The following CCDC141 variants were observed in gnomAD, a reference collection of about 807,000 sequenced individuals.
CCDC141 encodes coiled-coil domain-containing protein 141.
CCDC141 carries 168 observed loss-of-function variants against 181.0 expected under a neutral mutation model. That is an observed-to-expected ratio of 0.93 (90% CI 0.82 to 1.05). CCDC141 has a LOEUF of 1.05. Among genes scored for constraint, CCDC141 ranks in the 50% least tolerant of loss-of-function variants. The probability of loss-of-function intolerance (pLI) is 0.00; values close to 1 mark genes in which losing one functional copy is unlikely to be tolerated. For synonymous variants in CCDC141, 666 were observed against 642.3 expected, an observed-to-expected ratio of 1.04 and a Z score of -0.56; for missense variants, 1,902 against 1,788.5, an observed-to-expected ratio of 1.06 and a Z score of -1.14.
chr2:178,986,334 T>A (rs199526378), intron 2 of CCDC141, among the ~76,000 whole-genome samples: 47,001 of 151,858 alleles, frequency 0.31, 8,350 homozygotes, highest in East Asian at 0.66. Context: ...ATAAGAGCTA[T>A]CTATGACAAA....
At chr2:178,906,992 C>T (rs763913508) in intron 7 of CCDC141, among the ~76,000 whole-genome samples, 20 of 152,100 alleles carry the variant, frequency 1.3e-4, no homozygotes, top group Non-Finnish European at 2.5e-4. Context: ...ACTTATACAC[C>T]GATATTCTAT....
downstream of CCDC141, among the ~76,000 whole-genome samples, chr2:178,827,698 G>A (rs541448414): frequency 1.3e-5 from 2 of 152,200 alleles, no homozygotes; most frequent in African/African-American, 4.8e-5. Flanking sequence ...TGAAAGGCTG[G>A]CTGGTGTCTA....
At position 178,850,176 on chromosome 2, in the gene CCDC141, G is replaced by C. The variant is rs749905008; in HGVS notation, c.3245-15C>G. 1 of 1,405,716 alleles carries C rather than the reference G, an allele frequency of 7.1e-7. No homozygotes were observed. The highest frequency in any genetic ancestry group is 1.2e-5 in the South Asian group (1 of 84,518). 87.1% of individuals were successfully genotyped at this position (1,405,716 alleles called of 1,614,324 possible). A position where few individuals can be genotyped will look rare whatever the true frequency, so the allele number is the denominator to read the frequency against. ...TTCTTCCAAACCTGGGGAGGAGAAG[G>C]ATGAAACTAGTTTTAAAGGTCAAAT... On this transcript the variant is annotated splice_polypyrimidine_tract_variant and intron_variant, in intron 20 of 23. Coordinates refer to ENST00000443758, the MANE Select transcript of CCDC141 (RefSeq NM_173648.4).
At chr2:179,000,055 TACACACACACAC>T (rs67309651) in intron 2 of CCDC141, among the ~76,000 whole-genome samples, 132 of 144,318 alleles carry the variant, frequency 9.1e-4, no homozygotes, top group Admixed American at 2.8e-3. Context: ...TTCATCACCA[TACACACACACAC>T]ACACACACAC....
At chr2:179,041,059 TTTTGTTTGTTTG>T (rs140907026) in intron 2 of CCDC141, among the ~76,000 whole-genome samples, 3 of 151,500 alleles carry the variant, frequency 2.0e-5, no homozygotes, top group African/African-American at 4.9e-5. Context: ...TCTGCTGTTG[TTTTGTTTGTTTG>T]TTTGTTTGTT....
chr2:179,023,307 G>A (rs2042739477), intron 2 of CCDC141, among the ~76,000 whole-genome samples: 1 of 152,102 alleles, frequency 6.6e-6, no homozygotes, highest in South Asian at 2.1e-4. Context: ...CCATTTCACA[G>A]ATGAGGAAAC....
chr2:178,907,666 C>A (rs72959397), intron 7 of CCDC141, among the ~76,000 whole-genome samples: 11,530 of 152,148 alleles, frequency 0.076, 484 homozygotes, highest in Non-Finnish European at 0.093. Context: ...CTGCAGTTGG[C>A]AATGGAGCCA....
At chr2:178,906,555 T>C (rs893627378) in intron 7 of CCDC141, among the ~76,000 whole-genome samples, 2 of 152,192 alleles carry the variant, frequency 1.3e-5, no homozygotes, top group African/African-American at 4.8e-5. Flanking sequence ...TATGGAATGT[T>C]CCATACCAAT....
intron 5 of CCDC141, among the ~76,000 whole-genome samples, chr2:178,950,541 A>C (rs1397066351): frequency 2.0e-5 from 3 of 152,174 alleles, no homozygotes; most frequent in Non-Finnish European, 4.4e-5. Context: ...AGCAGGAAAA[A>C]ACAATTACTG....
intron 23 of CCDC141, among the ~76,000 whole-genome samples, chr2:178,835,493 T>A (rs1490836543): frequency 6.6e-6 from 1 of 152,258 alleles, no homozygotes; most frequent in Non-Finnish European, 1.5e-5. Flanking sequence ...TCAGGGGTGA[T>A]GACAAATGTG....
chr2:178,839,070 T>G (rs558734299), intron 22 of CCDC141, among the ~76,000 whole-genome samples: 14 of 152,314 alleles, frequency 9.2e-5, no homozygotes, highest in African/African-American at 3.4e-4. Context: ...CTTTGAGTTT[T>G]TCATTTTAGC....
chr2:178,838,919 G>A (rs776048159), intron 22 of CCDC141, among the ~76,000 whole-genome samples: 6 of 152,162 alleles, frequency 3.9e-5, no homozygotes, highest in Admixed American at 6.5e-5. Flanking sequence ...GCTGAAAAGC[G>A]ATCTTATCTA....
chr2:178,905,588 G>A, intron 7 of CCDC141, 87 bp from the exon 8 acceptor site: 4 of 1,182,988 alleles, frequency 3.4e-6, no homozygotes, highest in Non-Finnish European at 4.6e-6. Flanking sequence ...AATTAAATCA[G>A]GCCAAACAAT....
chr2:178,822,206 A>G, the CCDC141 span, among the ~76,000 whole-genome samples: 1 of 151,126 alleles, frequency 6.6e-6, no homozygotes, highest in Non-Finnish European at 1.5e-5. Context: ...GAATTGAACA[A>G]TGAGAACACT....
In CCDC141 at chr2:178,949,282, G is replaced by A. The variant is rs554769018; in HGVS notation, c.781-4631C>T. Among the ~76,000 whole-genome samples the A allele has an allele frequency of 1.1e-4, 17 of 152,286 alleles. No individual in the cohort carries two copies. The East Asian group carries it at 2.7e-3, about 24-fold the overall frequency. On this transcript the variant is annotated intron_variant, in intron 5 of 23. Transcript: ENST00000443758. ...AAGTTAACTAGCCTTCCTTCCAACAGAAGTATTAGGTACGAATTTAGGCAG... is the reference window on the plus strand; with the variant it reads ...AAGTTAACTAGCCTTCCTTCCAACAAAAGTATTAGGTACGAATTTAGGCAG...
intron 2 of CCDC141, among the ~76,000 whole-genome samples, chr2:179,023,185 A>G (rs1312210134): frequency 6.6e-6 from 1 of 152,228 alleles, no homozygotes; most frequent in Non-Finnish European, 1.5e-5. Context: ...ATTAAAAATA[A>G]TAAGAGGTAA....
chr2:178,905,595 C>CA, intron 7 of CCDC141, 94 bp from the exon 8 acceptor site: 1 of 1,133,360 alleles, frequency 8.8e-7, no homozygotes, highest in Non-Finnish European at 1.2e-6. Flanking sequence ...TCAGGCCAAA[C>CA]AATTTGTTAG....
At chr2:178,856,112 T>C (rs1415663681) in intron 18 of CCDC141, 145 bp downstream of exon 18, 2 of 644,324 alleles carry the variant, frequency 3.1e-6, no homozygotes, top group Admixed American at 3.2e-5. Flanking sequence ...AAAATTGTTA[T>C]AAAAATAGAA....
intron 6 of CCDC141, among the ~76,000 whole-genome samples, chr2:178,923,552 G>A (rs1575223449): frequency 6.6e-6 from 1 of 152,276 alleles, no homozygotes; most frequent in East Asian, 1.9e-4. Flanking sequence ...CTGCCTGCCT[G>A]CGAAGTGTTA....
Sources: allele counts gnomAD v4.1 joint callset (sites outside exome capture counted in the v4.1 genomes callset), GRCh38; gene constraint gnomAD v4.1.1; transcripts MANE v1.5; gene names NCBI Gene and HGNC (gene_info 2026-07-23, HGNC 2026-07-21).